Variants in IMPG1 observed in about 807,000 individuals in gnomAD.
IMPG1 encodes interphotoreceptor matrix proteoglycan of 150 kDa.
IMPG1 carries 85 observed loss-of-function variants against 92.0 expected under a neutral mutation model. That is an observed-to-expected ratio of 0.92 (90% CI 0.78 to 1.11). IMPG1 has a LOEUF of 1.11. Ranked by LOEUF, IMPG1 falls within the 50% of genes least tolerant of loss-of-function variation. The probability of loss-of-function intolerance (pLI) is 0.00; values close to 1 mark genes in which losing one functional copy is unlikely to be tolerated. For missense variants in IMPG1, 1,022 were observed against 956.0 expected (o/e 1.07, Z -0.91); for synonymous variants, 367 against 334.1 (o/e 1.10, Z -1.08).
intron 12 of IMPG1, among the ~76,000 whole-genome samples, chr6:75,974,386 T>TC (rs1562354751): frequency 0.01 from 1,095 of 105,118 alleles, 35 homozygotes; most frequent in East Asian, 0.03. Flanking sequence ...TTTCTTTCTT[T>TC]CTTTCTTTTC....
chr6:76,025,007 T>C (rs1247385601), intron 5 of IMPG1, 187 bp downstream of exon 5: 1 of 628,902 alleles, frequency 1.6e-6, no homozygotes, highest in East Asian at 3.1e-5. Context: ...TTTACCTTTA[T>C]TCTTTTCTGT....
chr6:76,015,800 C>CAAAAAAAAAAAAAAAAAAAAAAA (rs35389302), intron 7 of IMPG1, among the ~76,000 whole-genome samples: 5 of 66,720 alleles, frequency 7.5e-5, no homozygotes, highest in Non-Finnish European at 1.3e-4. Flanking sequence ...AACTCTGTCT[C>CAAAAAAAAAAAAAAAAAAAAAAA]AAAAAAAAAA....
chr6:76,041,390 C>G (rs767386111), intron 2 of IMPG1, among the ~76,000 whole-genome samples: 50 of 152,202 alleles, frequency 3.3e-4, no homozygotes, highest in Non-Finnish European at 4.6e-4. Context: ...TGTTTCTCCT[C>G]TGCACTTCAA....
chr6:75,932,159 C>T (rs1017969150), intron 14 of IMPG1, among the ~76,000 whole-genome samples: 10 of 152,350 alleles, frequency 6.6e-5, no homozygotes, highest in Admixed American at 2.6e-4. Context: ...GGGGAAAATG[C>T]GTACAGATAA....
chr6:75,977,689 C>T (rs1782562633), intron 12 of IMPG1, among the ~76,000 whole-genome samples: 1 of 151,848 alleles, frequency 6.6e-6, no homozygotes, highest in Non-Finnish European at 1.5e-5. Context: ...GACTAAAGAC[C>T]TATCAGTGCT....
chr6:75,984,236 C>T (rs1393179307), intron 12 of IMPG1, among the ~76,000 whole-genome samples: 1 of 152,124 alleles, frequency 6.6e-6, no homozygotes, highest in Admixed American at 6.5e-5. Context: ...AAAGCAAATA[C>T]AATCAATATG....
Position 76,047,016 on chromosome 6 carries a change from C to T in IMPG1, c.68-4890G>A, listed in dbSNP as rs537855084. On this transcript the variant is annotated intron_variant, in intron 1 of 16. Transcript: ENST00000369950. ...AGTGTAAAATTAGACATATTTAGAA[C>T]TGGTTTGTGGGAAAAATGCACCTCA... 1.0e-3 allele frequency among the ~76,000 whole-genome samples: 153 copies of T among 152,292 alleles called. 1 individual carries two copies. The highest frequency in any genetic ancestry group is 3.5e-3 in the African/African-American group (145 of 41,572).
intron 15 of IMPG1, among the ~76,000 whole-genome samples, chr6:75,926,575 C>T (rs531392291): frequency 8.5e-5 from 13 of 152,122 alleles, no homozygotes; most frequent in Non-Finnish European, 1.3e-4. Context: ...TGAGTAATGT[C>T]ACAGCATAGT....
intron 12 of IMPG1, among the ~76,000 whole-genome samples, chr6:75,979,035 C>T (rs1168753128): frequency 2.0e-5 from 3 of 152,124 alleles, no homozygotes; most frequent in Non-Finnish European, 4.4e-5. Flanking sequence ...ACCCCAGCCT[C>T]CCAGGTAGGT....
At chr6:75,990,743 C>T (rs1782800964) in intron 12 of IMPG1, among the ~76,000 whole-genome samples, 1 of 151,968 alleles carries the variant, frequency 6.6e-6, no homozygotes. Context: ...GTAGACTCCC[C>T]TCCTGTAAAC....
intron 12 of IMPG1, among the ~76,000 whole-genome samples, chr6:75,964,084 G>C (rs1427542267): frequency 6.6e-6 from 1 of 152,158 alleles, no homozygotes; most frequent in Non-Finnish European, 1.5e-5. Flanking sequence ...CATATTTTGG[G>C]GAATCTAGAG....
chr6:75,922,193 T>TAAG, intron 16 of IMPG1, 27 bp from the exon 17 acceptor site: 1 of 980,952 alleles, frequency 1.0e-6, no homozygotes, highest in Non-Finnish European at 1.6e-6. Flanking sequence ...TTTAAGAACT[T>TAAG]AAGAAATGCC....
intron 14 of IMPG1, among the ~76,000 whole-genome samples, chr6:75,932,302 G>A (rs1781680103): frequency 6.6e-6 from 1 of 152,124 alleles, no homozygotes; most frequent in African/African-American, 2.4e-5. Context: ...TTGCTAATAC[G>A]GCAGGTGAAG....
intron 1 of IMPG1, among the ~76,000 whole-genome samples, chr6:76,057,733 T>C (rs1435800283): frequency 6.6e-6 from 1 of 152,108 alleles, no homozygotes; most frequent in Non-Finnish European, 1.5e-5. Flanking sequence ...AAAACCACAA[T>C]GCTAATGTTA....
chr6:76,062,581 C>T (rs1165672338), intron 1 of IMPG1, among the ~76,000 whole-genome samples: 3 of 152,128 alleles, frequency 2.0e-5, no homozygotes, highest in Admixed American at 2.0e-4. Context: ...CAAAACTACT[C>T]ATCTTTTAAA....
chr6:75,935,040 T>C (rs1031752062), intron 14 of IMPG1: 3 of 470,222 alleles, frequency 6.4e-6, no homozygotes, highest in African/African-American at 4.0e-5. Flanking sequence ...GAGGTCCCGT[T>C]GGGTCTCTCT....
chr6:76,021,333 C>T (rs1184378415), intron 6 of IMPG1, among the ~76,000 whole-genome samples: 1 of 152,144 alleles, frequency 6.6e-6, no homozygotes, highest in East Asian at 1.9e-4. Context: ...CTCATGCCTC[C>T]CTAAAACGTA....
intron 8 of IMPG1, among the ~76,000 whole-genome samples, chr6:76,010,410 CA>C (rs2149479521): frequency 6.6e-6 from 1 of 152,150 alleles, no homozygotes; most frequent in East Asian, 1.9e-4. Context: ...TGAGAACTTA[CA>C]AAAAAAGATT....
intron 15 of IMPG1, among the ~76,000 whole-genome samples, chr6:75,924,649 TTA>T (rs1252849128): frequency 6.2e-4 from 2 of 3,202 alleles, no homozygotes; most frequent in Non-Finnish European, 6.8e-4. Context: ...ATATAATTAA[TTA>T]TATATAATAT....
Sources: gnomAD v4.1 joint callset for allele counts (sites outside exome capture counted in the v4.1 genomes callset) on GRCh38, gnomAD v4.1.1 for gene constraint, MANE v1.5 for transcripts, NCBI Gene and HGNC (gene_info 2026-07-23, HGNC 2026-07-21) for gene names.